Variants in DHX15 observed in about 807,000 individuals in gnomAD.
DHX15 encodes the protein ATP-dependent RNA helicase DHX15.
A neutral mutation model predicts 94.4 loss-of-function variants in DHX15; 11 were observed. The observed-to-expected ratio is 0.12, with a 90% confidence interval of 0.07 to 0.19. DHX15 has a LOEUF of 0.19. Among genes scored for constraint, DHX15 ranks in the 10% least tolerant of loss-of-function variants. The probability of loss-of-function intolerance (pLI) is 1.00; values close to 1 mark genes in which losing one functional copy is unlikely to be tolerated. For synonymous variants in DHX15, 338 were observed against 329.9 expected, an observed-to-expected ratio of 1.02 and a Z score of -0.27; for missense variants, 304 against 988.5, an observed-to-expected ratio of 0.31 and a Z score of 9.29.
chr4:24,553,529 T>C (rs937563644), intron 5 of DHX15, among the ~76,000 whole-genome samples: 2 of 151,868 alleles, frequency 1.3e-5, no homozygotes, highest in African/African-American at 4.8e-5. Flanking sequence ...ATCCCAGCAC[T>C]TTGGGAACCC....
Position 24,547,933 on chromosome 4 carries a change from ATATATATAT to A in DHX15, c.1248+913_1248+921del, listed in dbSNP as rs1560765910. Among the ~76,000 whole-genome samples the A allele has an allele frequency of 2.3e-3, 79 of 33,650 alleles. 2 individuals carry two copies. Among genetic ancestry groups the A allele is most frequent in the African/African-American group, 8.2e-3 (74 of 9,028 alleles). 22.1% of individuals were successfully genotyped at this position (33,650 alleles called of 152,430 possible). A position where few individuals can be genotyped will look rare whatever the true frequency, so the allele number is the denominator to read the frequency against. On this transcript the variant is annotated intron_variant, in intron 6 of 13. Coordinates refer to ENST00000336812, the MANE Select transcript of DHX15 (RefSeq NM_001358.3). ...TATATATATATATATATATATATAT[ATATATATAT>A]CTATATCTATATCTATATCTATCTG...
intron 3 of DHX15, among the ~76,000 whole-genome samples, chr4:24,565,233 G>A (rs1246143572): frequency 6.6e-6 from 1 of 152,150 alleles, no homozygotes; most frequent in African/African-American, 2.4e-5. Flanking sequence ...AAATACTTAA[G>A]TACAAAGGTC....
chr4:24,559,626 A>G (rs189541523), intron 3 of DHX15, among the ~76,000 whole-genome samples: 2 of 152,268 alleles, frequency 1.3e-5, no homozygotes, highest in East Asian at 3.9e-4. Flanking sequence ...TTAAGTTTGA[A>G]GTTTCAATGA....
intron 13 of DHX15, 46 bp downstream of exon 13, chr4:24,529,555 G>A (rs1244868702): frequency 6.4e-7 from 1 of 1,566,604 alleles, no homozygotes; most frequent in Non-Finnish European, 8.8e-7. Flanking sequence ...GTTCCATTTT[G>A]AGCAAAGTAC....
chr4:24,542,902 A>G, intron 7 of DHX15, 38 bp downstream of exon 7: 2 of 1,489,762 alleles, frequency 1.3e-6, no homozygotes, highest in Non-Finnish European at 1.9e-6. Context: ...GTACTGTTAA[A>G]CCAACTCTAA....
chr4:24,562,613 A>C (rs1029104357), intron 3 of DHX15, among the ~76,000 whole-genome samples: 1 of 152,220 alleles, frequency 6.6e-6, no homozygotes, highest in Non-Finnish European at 1.5e-5. Context: ...AAACGGTTCT[A>C]TACCACACTC....
At chr4:24,565,056 T>C (rs539897288) in intron 3 of DHX15, among the ~76,000 whole-genome samples, 3 of 152,302 alleles carry the variant, frequency 2.0e-5, no homozygotes, top group African/African-American at 2.4e-5. Context: ...ACTAAAAATA[T>C]ATTGCCTATT....
intron 4 of DHX15, among the ~76,000 whole-genome samples, 193 bp from the exon 5 acceptor site, chr4:24,555,136 T>C (rs982540127): frequency 6.6e-6 from 1 of 151,978 alleles, no homozygotes; most frequent in South Asian, 2.1e-4. Context: ...TTTAAAAATT[T>C]AGAAAAAAAA....
At chr4:24,549,446 T>G (rs2109402821) in intron 5 of DHX15, among the ~76,000 whole-genome samples, 1 of 152,306 alleles carries the variant, frequency 6.6e-6, no homozygotes, top group East Asian at 1.9e-4. Flanking sequence ...ACTAATGCAA[T>G]TATATGGAAG....
chr4:24,555,914 C>CTTGATCTTTAGGACATGGATCT lies in DHX15; in HGVS notation c.861+336_861+337insAGATCCATGTCCTAAAGATCAA, dbSNP rs370154893. ...TTTGTGATGAGACAAGGACATGGAT[C>CTTGATCTTTAGGACATGGATCT]TGAGGGAGAAAGATTTGATCCTTAA... is the stretch of plus-strand genomic sequence containing the variant. On this transcript the variant is annotated intron_variant, in intron 4 of 13. Transcript: ENST00000336812. Among the ~76,000 whole-genome samples, 1,281 of 152,156 alleles carry CTTGATCTTTAGGACATGGATCT rather than the reference C, an allele frequency of 8.4e-3. 21 individuals carry two copies. Among genetic ancestry groups the CTTGATCTTTAGGACATGGATCT allele is most frequent in the African/African-American group, 0.029 (1,185 of 41,490 alleles).
At chr4:24,560,038 T>A (rs1176519695) in intron 3 of DHX15, among the ~76,000 whole-genome samples, 2 of 152,130 alleles carry the variant, frequency 1.3e-5, no homozygotes, top group Admixed American at 1.3e-4. Flanking sequence ...CTGAACAGTA[T>A]CAACCTAGCT....
chr4:24,528,065 T>A, intron 13 of DHX15, 24 bp from the exon 14 acceptor site: 2 of 1,558,750 alleles, frequency 1.3e-6, no homozygotes, highest in Non-Finnish European at 1.8e-6. Flanking sequence ...GGCAGAAAAA[T>A]TTCCAAATTA....
intron 3 of DHX15, among the ~76,000 whole-genome samples, chr4:24,558,887 C>A (rs142921892): frequency 1.7e-4 from 26 of 152,212 alleles, no homozygotes; most frequent in African/African-American, 6.0e-4. Flanking sequence ...GATTCCCAGT[C>A]CTAAGTCTCT....
chr4:24,582,210 CAT>C (rs1193001787), intron 1 of DHX15, among the ~76,000 whole-genome samples: 1 of 152,154 alleles, frequency 6.6e-6, no homozygotes, highest in Non-Finnish European at 1.5e-5. Flanking sequence ...ACTCAAATGA[CAT>C]AGAAATGAGT....
chr4:24,549,747 C>T (rs970239145), intron 5 of DHX15, among the ~76,000 whole-genome samples: 2 of 152,062 alleles, frequency 1.3e-5, no homozygotes, highest in South Asian at 2.1e-4. Flanking sequence ...AACTGTAACA[C>T]AATGGGAAGT....
intron 6 of DHX15, 130 bp from the exon 7 acceptor site, chr4:24,543,156 G>C (rs1211458314): frequency 1.6e-6 from 1 of 626,888 alleles, no homozygotes; most frequent in Non-Finnish European, 2.7e-6. Flanking sequence ...AATATCATTT[G>C]ATCTTCAATG....
chr4:24,579,849 T>C (rs937256978), intron 1 of DHX15, among the ~76,000 whole-genome samples: 1 of 152,190 alleles, frequency 6.6e-6, no homozygotes, highest in Non-Finnish European at 1.5e-5. Context: ...CACTGCAACC[T>C]CTGCCTCCCT....
rs558579529 is a variant in DHX15 at position 24,542,842 on chromosome 4, G to C, written c.1335+98C>G. 5 of 892,284 alleles carry C rather than the reference G, an allele frequency of 5.6e-6. No individual in the cohort carries two copies. In the East Asian group the frequency reaches 1.3e-4, roughly 24 times the overall value. The allele number at this position is 892,284 out of a possible 1,614,324, so 55.3% of individuals were successfully genotyped here. A position where few individuals can be genotyped will look rare whatever the true frequency, so the allele number is the denominator to read the frequency against. On this transcript the variant is annotated intron_variant, in intron 7 of 13. Transcript: ENST00000336812. ...AATTTGCAAATAAAAAAAAAGATAG[G>C]AAAATAATTCTGAAAGGTAAATTTT... is the stretch of plus-strand genomic sequence containing the variant.
chr4:24,550,946 T>C (rs1721589276), intron 5 of DHX15, among the ~76,000 whole-genome samples: 1 of 152,236 alleles, frequency 6.6e-6, no homozygotes, highest in South Asian at 2.1e-4. Context: ...TGTGCTGTGA[T>C]GCTGCAAGGT....
Sources: allele counts gnomAD v4.1 joint callset (sites outside exome capture counted in the v4.1 genomes callset), GRCh38; gene constraint gnomAD v4.1.1; transcripts MANE v1.5; gene names NCBI Gene and HGNC (gene_info 2026-07-23, HGNC 2026-07-21).